The following IQSEC1 variants were observed in gnomAD, a reference collection of about 807,000 sequenced individuals.
The protein encoded by IQSEC1 is IQ motif and SEC7 domain-containing protein 1.
A neutral mutation model predicts 91.0 loss-of-function variants in IQSEC1; 31 were observed. The observed-to-expected ratio is 0.34, with a 90% CI of 0.26 to 0.46. The LOEUF (loss-of-function observed/expected upper bound fraction) is 0.46. IQSEC1 is among the 20% of genes least tolerant of loss of function. The pLI, the probability that IQSEC1 is intolerant of heterozygous loss-of-function variation, is 1.00. For synonymous variants in IQSEC1, 699 were observed against 662.6 expected, an observed-to-expected ratio of 1.05 and a Z score of -0.84; for missense variants, 1,388 against 1,575.6, an observed-to-expected ratio of 0.88 and a Z score of 2.02.
rs542056583 is a variant in IQSEC1, at chr3:12,948,781, C to T, written c.24-6916G>A. On this transcript the variant is annotated intron_variant, in intron 1 of 13. Coordinates refer to ENST00000613206, the MANE Select transcript of IQSEC1 (RefSeq NM_001134382.3). ...TTCTAAGCTGTATATGGAACACATT[C>T]AGTGCTCTCAATACCCTGCAGGCAC... 7.7e-4 allele frequency among the ~76,000 whole-genome samples: 118 copies of T among 152,310 alleles called. 1 individual carries two copies. Among genetic ancestry groups the T allele is most frequent in the Non-Finnish European group, 1.4e-3 (97 of 68,028 alleles).
At chr3:13,060,383 C>T (rs989050599) in intron 1 of IQSEC1, among the ~76,000 whole-genome samples, 2 of 148,824 alleles carry the variant, frequency 1.3e-5, no homozygotes, top group African/African-American at 4.9e-5. Context: ...GAACAGGCTC[C>T]TGCGGTGGGG....
chr3:13,087,415 G>C (rs567522485), intron 2 of IQSEC1, among the ~76,000 whole-genome samples: 1 of 152,296 alleles, frequency 6.6e-6, no homozygotes, highest in South Asian at 2.1e-4. Context: ...TGTGCAGGAG[G>C]TCTGCAGACA....
rs138458034 is a variant in IQSEC1, at chr3:13,157,897, T to C, written c.302+6207A>G. Among the ~76,000 whole-genome samples, 18 of 152,348 alleles carry C rather than the reference T, an allele frequency of 1.2e-4. No individual in the cohort carries two copies. In the East Asian group the frequency reaches 3.3e-3, roughly 28 times the overall value. ...CTTGAGGCTAAAGTCTTTGCTCCGATTTCATCATGGGGCAGAAATTAACTG... is the reference window on the plus strand; with the variant it reads ...CTTGAGGCTAAAGTCTTTGCTCCGACTTCATCATGGGGCAGAAATTAACTG... On this transcript the variant is annotated intron_variant, in intron 2 of 15. Transcript: ENST00000648114.
chr3:12,968,454 GC>G, intron 1 of IQSEC1, among the ~76,000 whole-genome samples: 1 of 152,234 alleles, frequency 6.6e-6, no homozygotes, highest in East Asian at 1.9e-4. Flanking sequence ...GTGATAGTTG[GC>G]CTTCAAGGCA....
intron 2 of IQSEC1, among the ~76,000 whole-genome samples, chr3:13,082,814 C>T (rs62232930): frequency 0.025 from 3,800 of 152,268 alleles, 55 homozygotes; most frequent in Non-Finnish European, 0.035. Context: ...TCTTCCTTTC[C>T]GGCCATGCCC....
intron 1 of IQSEC1, among the ~76,000 whole-genome samples, chr3:12,990,461 T>C (rs569632015): frequency 3.1e-4 from 47 of 152,270 alleles, no homozygotes; most frequent in African/African-American, 9.6e-4. Context: ...GAAGAAGAAA[T>C]TGTGTAAGCA....
In IQSEC1 at chr3:12,980,424, C is replaced by T. The variant is rs1275667105; in HGVS notation, c.24-38559G>A. On this transcript the variant is annotated intron_variant, in intron 1 of 13. Transcript: ENST00000613206. ...CCTGGAGTTGATCCATGATGAGCAT[C>T]CCTCATGCAACACAATCCACAGACA... 3.3e-5 allele frequency among the ~76,000 whole-genome samples: 5 copies of T among 152,334 alleles called. No homozygotes were observed. In the East Asian group the frequency reaches 9.7e-4, roughly 29 times the overall value.
rs113470359 is a variant in IQSEC1, at chr3:13,266,581, CT to C, written c.272+16129del. On this transcript the variant is annotated intron_variant, in intron 1 of 15. Coordinates refer to the IQSEC1 transcript ENST00000648114. ...AGCTCCGATGATGGGGAGGAAGCAG[CT>C]TTTTTTTTTTTTCAATAAAATCAAG... is the stretch of plus-strand genomic sequence containing the variant. 9.7e-3 allele frequency among the ~76,000 whole-genome samples: 1,395 copies of C among 143,750 alleles called. 10 individuals are homozygous for C. The highest frequency in any genetic ancestry group is 0.014 in the Non-Finnish European group (920 of 65,058). 94.3% of individuals were successfully genotyped at this position (143,750 alleles called of 152,430 possible). A position where few individuals can be genotyped will look rare whatever the true frequency, so the allele number is the denominator to read the frequency against.
intron 1 of IQSEC1, among the ~76,000 whole-genome samples, chr3:12,972,276 C>T (rs1182223292): frequency 1.3e-5 from 2 of 151,848 alleles, no homozygotes; most frequent in African/African-American, 4.8e-5. Context: ...TGTGCCACTG[C>T]ACTCCTGCCT....
At chr3:12,987,945 G>T (rs961253467) in intron 1 of IQSEC1, among the ~76,000 whole-genome samples, 1 of 152,176 alleles carries the variant, frequency 6.6e-6, no homozygotes, top group Non-Finnish European at 1.5e-5. Flanking sequence ...TGTGGGGTTG[G>T]GGCAAGGCTG....
At chr3:13,240,386 T>C (rs1322519962) in intron 1 of IQSEC1, among the ~76,000 whole-genome samples, 1 of 151,860 alleles carries the variant, frequency 6.6e-6, no homozygotes, top group African/African-American at 2.4e-5. Context: ...AATAAATGAA[T>C]AAATAAAAAT....
chr3:12,918,563 C>G (rs1575900420), intron 6 of IQSEC1, among the ~76,000 whole-genome samples: 2 of 151,978 alleles, frequency 1.3e-5, no homozygotes, highest in Admixed American at 1.3e-4. Context: ...AGCCTTTAAT[C>G]CCAGCACTTT....
chr3:13,106,533 G>A (rs1005135682), intron 2 of IQSEC1, among the ~76,000 whole-genome samples: 6 of 152,212 alleles, frequency 3.9e-5, no homozygotes, highest in African/African-American at 7.2e-5. Context: ...GACATGCCCC[G>A]AATCACATAG....
intron 1 of IQSEC1, among the ~76,000 whole-genome samples, chr3:13,238,748 T>A (rs960275367): frequency 6.6e-6 from 1 of 152,138 alleles, no homozygotes; most frequent in Non-Finnish European, 1.5e-5. Flanking sequence ...AGTTTCCCCA[T>A]GTCCTTGAGG....
Position 12,941,098 on chromosome 3 carries a change from G to A in IQSEC1, c.318+473C>T, listed in dbSNP as rs148794166. Among the ~76,000 whole-genome samples the A allele has an allele frequency of 8.4e-3, 1,278 of 152,314 alleles. 21 individuals carry two copies. Among genetic ancestry groups the A allele is most frequent in the African/African-American group, 0.03 (1,228 of 41,574 alleles). ...AAGCAGCCTCCCCTGGCTGGCTGCC[G>A]ATGGGGTTCTTTCCAGAGCTTGTGA... On this transcript the variant is annotated intron_variant, in intron 2 of 13. Transcript: ENST00000613206.
intron 1 of IQSEC1, among the ~76,000 whole-genome samples, chr3:13,010,278 T>A (rs926893091): frequency 1.3e-5 from 2 of 152,156 alleles, no homozygotes; most frequent in Admixed American, 1.3e-4. Flanking sequence ...CACCCCAATT[T>A]TCTTTGGGGA....
intron 2 of IQSEC1, among the ~76,000 whole-genome samples, chr3:13,114,328 G>A (rs1706300404): frequency 6.6e-6 from 1 of 152,158 alleles, no homozygotes; most frequent in East Asian, 1.9e-4. Context: ...GGGGTGTCAC[G>A]GCACTCATGG....
rs186930019 is a variant in IQSEC1 at position 13,113,029 on chromosome 3, G to A, written c.302+51075C>T. On this transcript the variant is annotated intron_variant, in intron 2 of 15. Transcript: ENST00000648114. ...CAGTCACCGGGTCGCAAGCAGACAC[G>A]CCTAGAGCTGCTCTGGGAGCTGCTG... Among the ~76,000 whole-genome samples the A allele has an allele frequency of 1.6e-3, 238 of 152,326 alleles. 3 individuals carry two copies. The highest frequency in any genetic ancestry group is 3.0e-3 in the Non-Finnish European group (205 of 68,034).
At chr3:12,945,014 G>A (rs188206182) in intron 1 of IQSEC1, among the ~76,000 whole-genome samples, 1 of 152,248 alleles carries the variant, frequency 6.6e-6, no homozygotes, top group Admixed American at 6.5e-5. Flanking sequence ...CTGATGGTTG[G>A]GGGTGAGTGA....
Sources: allele counts gnomAD v4.1 joint callset (sites outside exome capture counted in the v4.1 genomes callset), GRCh38; gene constraint gnomAD v4.1.1; transcripts MANE v1.5; gene names NCBI Gene and HGNC (gene_info 2026-07-23, HGNC 2026-07-21).